EDAR: variants seen among roughly 807,000 people sequenced by gnomAD.
The protein encoded by EDAR is ectodysplasin A receptor.
EDAR carries 38 observed loss-of-function variants against 51.3 expected under a neutral mutation model. The ratio of observed to expected loss-of-function variants is 0.74; its 90% CI spans 0.57 to 0.97. The LOEUF (loss-of-function observed/expected upper bound fraction) is 0.97, where lower values mean the gene tolerates loss of function less well. EDAR is among the 50% of genes least tolerant of loss of function. The probability of loss-of-function intolerance (pLI) is 0.00; values close to 1 mark genes in which losing one functional copy is unlikely to be tolerated. For synonymous variants in EDAR, 227 were observed against 242.1 expected (o/e 0.94, Z 0.58); for missense variants, 528 against 595.0 (o/e 0.89, Z 1.17).
rs539790277 is a variant in EDAR, at chr2:108,974,678, C to T, written c.-19+14282G>A. On this transcript the variant is annotated intron_variant, in intron 1 of 11. Transcript: ENST00000258443. ...CCGGCAGGCGAAGGTTTCAGTGAGCCGAGATAGCGCCACTGCACTCCACCC... is the reference window on the plus strand; with the variant it reads ...CCGGCAGGCGAAGGTTTCAGTGAGCTGAGATAGCGCCACTGCACTCCACCC... 1.1e-3 allele frequency among the ~76,000 whole-genome samples: 173 copies of T among 151,530 alleles called. 1 individual carries two copies. Among genetic ancestry groups the T allele is most frequent in the African/African-American group, 1.0e-3 (42 of 41,280 alleles).
chr2:108,918,346 C>G (rs1003258141), intron 5 of EDAR, among the ~76,000 whole-genome samples: 1 of 152,174 alleles, frequency 6.6e-6, no homozygotes, highest in African/African-American at 2.4e-5. Context: ...AGGTTTCACC[C>G]CGGTCCACTG....
intron 4 of EDAR, among the ~76,000 whole-genome samples, chr2:108,926,138 A>G (rs1697250129): frequency 6.6e-6 from 1 of 152,192 alleles, no homozygotes. Context: ...CTGCACAGCA[A>G]CAAAGAACAT....
Position 108,950,279 on chromosome 2 carries a change from C to CT in EDAR, c.-18-19248dup, listed in dbSNP as rs1310040773. On this transcript the variant is annotated intron_variant, in intron 1 of 11. Coordinates refer to ENST00000258443, the MANE Select transcript of EDAR (RefSeq NM_022336.4). ...CCATTCCTTTTCTTTTTCTTTCTTT[C>CT]TTTTTTTTCTTTTTTTGACAGGCGG... Among the ~76,000 whole-genome samples the CT allele has an allele frequency of 3.7e-4, 44 of 119,602 alleles. 1 individual carries two copies. Among genetic ancestry groups the CT allele is most frequent in the African/African-American group, 1.1e-3 (35 of 32,208 alleles). 78.5% of individuals were successfully genotyped at this position (119,602 alleles called of 152,430 possible). A position where few individuals can be genotyped will look rare whatever the true frequency, so the allele number is the denominator to read the frequency against.
chr2:108,921,368 C>T (rs753096449), intron 5 of EDAR, among the ~76,000 whole-genome samples: 22 of 152,198 alleles, frequency 1.4e-4, no homozygotes, highest in Non-Finnish European at 2.9e-4. Context: ...GCAAGTCTGA[C>T]GGTGGTTTGC....
At chr2:108,968,078 G>A (rs567885622) in intron 1 of EDAR, among the ~76,000 whole-genome samples, 6 of 152,192 alleles carry the variant, frequency 3.9e-5, no homozygotes, top group Admixed American at 2.0e-4. Flanking sequence ...CAGGCCCTGG[G>A]ATGGAGCTGA....
At chr2:108,959,694 G>A (rs148856631) in intron 1 of EDAR, among the ~76,000 whole-genome samples, 31 of 152,306 alleles carry the variant, frequency 2.0e-4, no homozygotes, top group East Asian at 1.4e-3. Context: ...TGCTGGGGCC[G>A]TGGGCAGTGG....
rs745501063 is a variant in EDAR at position 108,923,355 on chromosome 2, CAA to C, written c.442+11_442+12del. 3 of 1,613,402 alleles carry C rather than the reference CAA, an allele frequency of 1.9e-6. No homozygotes were observed. Among genetic ancestry groups the C allele is most frequent in the Admixed American group, 3.3e-5 (2 of 60,008 alleles). On this transcript the variant is annotated intron_variant, in intron 5 of 11. Coordinates refer to ENST00000258443, the MANE Select transcript of EDAR (RefSeq NM_022336.4). ...AACAAATACCGTGCTGGTGGAAGGACAAAGACACTCACATTCCTTGGTGTTGG... is the reference window on the plus strand; with the variant it reads ...AACAAATACCGTGCTGGTGGAAGGACAGACACTCACATTCCTTGGTGTTGG...
intron 1 of EDAR, among the ~76,000 whole-genome samples, chr2:108,966,045 AC>A (rs1463315617): frequency 1.3e-5 from 2 of 152,200 alleles, no homozygotes; most frequent in Non-Finnish European, 2.9e-5. Context: ...CACAATTAAA[AC>A]ATTCAATATC....
intron 4 of EDAR, among the ~76,000 whole-genome samples, chr2:108,927,666 A>G (rs943259924): frequency 1.3e-5 from 2 of 151,908 alleles, no homozygotes; most frequent in African/African-American, 4.8e-5. Flanking sequence ...AGCGGCCCCC[A>G]GCACCCTGAG....
chr2:108,925,908 G>A (rs917226259), intron 4 of EDAR, among the ~76,000 whole-genome samples: 1 of 152,152 alleles, frequency 6.6e-6, no homozygotes, highest in Non-Finnish European at 1.5e-5. Flanking sequence ...GAACCACCGA[G>A]CCTGACCGGT....
In EDAR at chr2:108,896,635, T is replaced by C; in HGVS notation, c.*272A>G. ...GTCTCATTGTTCAGTGAGTTAATGG[T>C]GGGCTGGTGGGCTGGCTGTATGAGT... On this transcript the variant is annotated 3_prime_UTR_variant, in exon 12 of 12. Transcript: ENST00000258443. 2.1e-6 allele frequency: 1 copy of C among 473,844 alleles called. No homozygotes were observed. The highest frequency in any genetic ancestry group is 3.1e-5 in the South Asian group (1 of 31,878). The allele number at this position is 473,844 out of a possible 1,614,324, so 29.4% of individuals were successfully genotyped here. A position where few individuals can be genotyped will look rare whatever the true frequency, so the allele number is the denominator to read the frequency against.
At chr2:108,905,598 G>A (rs904656757) in intron 11 of EDAR, among the ~76,000 whole-genome samples, 3 of 152,090 alleles carry the variant, frequency 2.0e-5, no homozygotes, top group Non-Finnish European at 4.4e-5. Context: ...CTCCACTCCC[G>A]CTGCCCGGCC....
chr2:108,901,073 A>G (rs890506038), intron 11 of EDAR, among the ~76,000 whole-genome samples: 8 of 152,344 alleles, frequency 5.3e-5, no homozygotes, highest in African/African-American at 1.9e-4. Flanking sequence ...CCATTCAACA[A>G]CAGCAGAATA....
At chr2:108,907,628 A>T (rs1405722581) in intron 10 of EDAR, among the ~76,000 whole-genome samples, 1 of 150,256 alleles carries the variant, frequency 6.7e-6, no homozygotes, top group East Asian at 2.0e-4. Context: ...AGGCTGGGTG[A>T]CAGAGCAAGA....
chr2:108,977,653 C>T (rs148042263), intron 1 of EDAR, among the ~76,000 whole-genome samples: 9 of 152,150 alleles, frequency 5.9e-5, no homozygotes, highest in African/African-American at 1.9e-4. Flanking sequence ...GGACGTCCTC[C>T]CTCCTGGGAC....
chr2:108,920,924 T>C (rs1306316509), intron 5 of EDAR, among the ~76,000 whole-genome samples: 1 of 151,768 alleles, frequency 6.6e-6, no homozygotes, highest in African/African-American at 2.4e-5. Flanking sequence ...CTCTGGGAGG[T>C]GAGATAACTC....
rs1047845522 is a variant in EDAR, at chr2:108,913,870, A to G, written c.443-1106T>C. 6.7e-5 allele frequency among the ~76,000 whole-genome samples: 10 copies of G among 148,474 alleles called. No individual in the cohort carries two copies. The South Asian group carries it at 1.3e-3, about 19-fold the overall frequency. The stretch of plus-strand genomic sequence containing the variant: ...GAGGCTGAGGCAGGAGAATGGCGTG[A>G]ACCCAGGAGGCGGAGCTTGCAGTGA... On this transcript the variant is annotated intron_variant, in intron 5 of 11. Transcript: ENST00000258443.
Position 108,981,891 on chromosome 2 carries a change from C to T in EDAR, c.-19+7069G>A, listed in dbSNP as rs911692603. Among the ~76,000 whole-genome samples, 87 of 152,180 alleles carry T rather than the reference C, an allele frequency of 5.7e-4. 8 individuals are homozygous for T. Among genetic ancestry groups the T allele is most frequent in the Non-Finnish European group, 4.4e-5 (3 of 68,038 alleles). ...ACTGCTGTGCAGATTAAGACGGAAACGCTAAGGAAGCAACAAATGCCCAAT... is the reference window on the plus strand; with the variant it reads ...ACTGCTGTGCAGATTAAGACGGAAATGCTAAGGAAGCAACAAATGCCCAAT... On this transcript the variant is annotated intron_variant, in intron 1 of 11. Coordinates refer to ENST00000258443, the MANE Select transcript of EDAR (RefSeq NM_022336.4).
chr2:108,929,271 C>T lies in EDAR; in HGVS notation c.283G>A (p.Gly95Ser), dbSNP rs755205047. ...GTCAGCACGGTGGCCCGGAAGAAGC[C>T]CTCACAGTCTTTGTGACGCCTGCAT... ...QICRRHKDCE[G>S]FFRATVLTPG... Residue 95 changes from glycine (G) to serine (S), a missense_variant, in exon 4 of 12, where the codon GGC becomes AGC. Gly to Ser is a moderately conservative substitution (Grantham distance 56). Coordinates refer to ENST00000258443, the MANE Select transcript of EDAR (RefSeq NM_022336.4). 1 of 1,614,176 alleles carries T rather than the reference C, an allele frequency of 6.2e-7. No homozygotes were observed. Among genetic ancestry groups the T allele is most frequent in the Admixed American group, 1.7e-5 (1 of 60,024 alleles).
Sources: gnomAD v4.1 joint callset for allele counts (sites outside exome capture counted in the v4.1 genomes callset) on GRCh38, gnomAD v4.1.1 for gene constraint, MANE v1.5 for transcripts, NCBI Gene and HGNC (gene_info 2026-07-23, HGNC 2026-07-21) for gene names.